CEMIP2: variants seen among roughly 807,000 people sequenced by gnomAD.
CEMIP2 encodes the protein cell surface hyaluronidase CEMIP2.
Under a neutral mutation model 146.9 loss-of-function variants are expected in CEMIP2, and 79 were observed. The observed-to-expected ratio is 0.54, with a 90% CI of 0.45 to 0.65. The LOEUF is 0.65. Ranked by LOEUF, CEMIP2 falls within the 30% of genes least tolerant of loss-of-function variation. The pLI is 0.00. For missense variants in CEMIP2, 1,596 were observed against 1,696.2 expected, an observed-to-expected ratio of 0.94 and a Z score of 1.04; for synonymous variants, 601 against 606.3, an observed-to-expected ratio of 0.99 and a Z score of 0.13.
At chr9:71,713,602 C>A (rs557158337) in intron 15 of CEMIP2, among the ~76,000 whole-genome samples, 2 of 152,188 alleles carry the variant, frequency 1.3e-5, no homozygotes, top group South Asian at 4.1e-4. Flanking sequence ...TGAAATAAAA[C>A]TGGAGGTCAA....
Position 71,709,254 on chromosome 9 carries a change from C to T in CEMIP2, c.2985+5G>A, listed in dbSNP as rs777081510. ...ACTTGAGCATTATACATTTGCTAAGCCTACCTGTGCATAGGTCCCACTGCA... is the reference window on the plus strand; with the variant it reads ...ACTTGAGCATTATACATTTGCTAAGTCTACCTGTGCATAGGTCCCACTGCA... On this transcript the variant is annotated splice_donor_5th_base_variant and intron_variant, in intron 17 of 23. Coordinates refer to ENST00000377044, the MANE Select transcript of CEMIP2 (RefSeq NM_013390.3). 7.4e-6 allele frequency: 12 copies of T among 1,613,984 alleles called. No individual in the cohort carries two copies. Among genetic ancestry groups the T allele is most frequent in the Middle Eastern group, 1.6e-4 (1 of 6,084 alleles).
intron 5 of CEMIP2, among the ~76,000 whole-genome samples, chr9:71,736,164 C>T (rs552168670): frequency 2.6e-5 from 4 of 152,292 alleles, no homozygotes; most frequent in African/African-American, 9.6e-5. Flanking sequence ...TTTATTCTTC[C>T]CCTAAAATGT....
intron 1 of CEMIP2, among the ~76,000 whole-genome samples, chr9:71,768,044 C>T (rs1589177622): frequency 6.6e-6 from 1 of 152,124 alleles, no homozygotes; most frequent in South Asian, 2.1e-4. Flanking sequence ...TCCCCGTAAA[C>T]GTAATGAAAA....
Position 71,685,406 on chromosome 9 carries a change from AAAAAAAAGAAAAAG to A in CEMIP2, c.3956-27_3956-14del. 1 of 1,496,498 alleles carries A rather than the reference AAAAAAAAGAAAAAG, an allele frequency of 6.7e-7. No individual in the cohort carries two copies. The allele number at this position is 1,496,498 out of a possible 1,614,324, so 92.7% of individuals were successfully genotyped here. On this transcript the variant is annotated splice_polypyrimidine_tract_variant and intron_variant, in intron 23 of 23. Transcript: ENST00000377044. ...AATATGGTACTCCCTAAAAAAAAAA[AAAAAAAAGAAAAAG>A]AAAAAAAATCAATTTTTATAGCTAC...
Position 71,701,477 on chromosome 9 carries a change from A to G in CEMIP2, c.3195-653T>C, listed in dbSNP as rs569364145. Among the ~76,000 whole-genome samples the G allele has an allele frequency of 2.6e-5, 4 of 152,354 alleles. No homozygotes were observed. The South Asian group carries it at 6.2e-4, about 24-fold the overall frequency. ...TGGATAAAACAGACTTAGACACTCT[A>G]AAAAGATAAGAAAATTAAGTGAGAT... is the stretch of plus-strand genomic sequence containing the variant. On this transcript the variant is annotated intron_variant, in intron 18 of 23. Coordinates refer to ENST00000377044, the MANE Select transcript of CEMIP2 (RefSeq NM_013390.3).
At chr9:71,763,304 G>A (rs1029526397) in intron 1 of CEMIP2, among the ~76,000 whole-genome samples, 1 of 152,108 alleles carries the variant, frequency 6.6e-6, no homozygotes, top group South Asian at 2.1e-4. Flanking sequence ...AATTAAGTAA[G>A]AGCCCCCAAA....
chr9:71,699,165 A>G (rs1822482568), intron 19 of CEMIP2: 1 of 165,264 alleles, frequency 6.1e-6, no homozygotes, highest in South Asian at 1.5e-4. Context: ...TTACACTTTT[A>G]ATCATTAACT....
At chr9:71,744,544 T>C (rs544018728) in intron 4 of CEMIP2, among the ~76,000 whole-genome samples, 5 of 150,956 alleles carry the variant, frequency 3.3e-5, no homozygotes, top group African/African-American at 1.2e-4. Context: ...TGCAAAGGAG[T>C]CCGAAAAAAG....
chr9:71,720,510 T>C (rs1424727608), intron 12 of CEMIP2, among the ~76,000 whole-genome samples: 1 of 152,186 alleles, frequency 6.6e-6, no homozygotes. Context: ...CAGGCTGGTC[T>C]TGAACTCCTG....
intron 1 of CEMIP2, among the ~76,000 whole-genome samples, chr9:71,753,499 CT>C (rs1288010612): frequency 3.3e-5 from 5 of 152,094 alleles, no homozygotes; most frequent in Non-Finnish European, 7.4e-5. Context: ...TATAAAGTTC[CT>C]GCAAAACATG....
At chr9:71,706,787 T>C (rs1030685169) in intron 17 of CEMIP2, among the ~76,000 whole-genome samples, 1 of 152,090 alleles carries the variant, frequency 6.6e-6, no homozygotes, top group Non-Finnish European at 1.5e-5. Flanking sequence ...TAGCCAAAAC[T>C]GTAGCTACAA....
At chr9:71,769,451 C>T (rs527510327), upstream of CEMIP2, among the ~76,000 whole-genome samples, 1 of 152,368 alleles carries the variant, frequency 6.6e-6, no homozygotes, top group African/African-American at 2.4e-5. Context: ...CTCTTCTGGT[C>T]CCTTGGAGCA....
rs1312208406 is a variant in CEMIP2 at position 71,712,070 on chromosome 9, A to G, written c.2769+13T>C. 1.9e-6 allele frequency: 3 copies of G among 1,612,386 alleles called. No individual in the cohort carries two copies. In the African/African-American group the frequency reaches 4.0e-5, roughly 22 times the overall value. On this transcript the variant is annotated intron_variant, in intron 16 of 23. Coordinates refer to ENST00000377044, the MANE Select transcript of CEMIP2 (RefSeq NM_013390.3). Reference sequence around the variant, plus strand: ...ACCATAGTCACTACGTAAGAACTACAGAACATACTTACATGTGGACCAAAC... The same window carrying G: ...ACCATAGTCACTACGTAAGAACTACGGAACATACTTACATGTGGACCAAAC...
intron 21 of CEMIP2, among the ~76,000 whole-genome samples, chr9:71,690,712 G>A (rs1427691989): frequency 1.3e-5 from 2 of 152,150 alleles, no homozygotes; most frequent in Non-Finnish European, 2.9e-5. Flanking sequence ...GGAATTCCAC[G>A]TTAGTTTATA....
intron 6 of CEMIP2, among the ~76,000 whole-genome samples, chr9:71,733,993 T>C (rs906583471): frequency 6.6e-6 from 1 of 152,016 alleles, no homozygotes; most frequent in Non-Finnish European, 1.5e-5. Context: ...ACAAGCCTTG[T>C]GCCACCATGC....
At chr9:71,754,561 T>C (rs898970518) in intron 1 of CEMIP2, among the ~76,000 whole-genome samples, 2 of 152,190 alleles carry the variant, frequency 1.3e-5, no homozygotes, top group African/African-American at 4.8e-5. Context: ...TATGACACAT[T>C]TTTAGACAAA....
chr9:71,746,587 A>G (rs1335589652), intron 2 of CEMIP2, among the ~76,000 whole-genome samples: 1 of 127,618 alleles, frequency 7.8e-6, no homozygotes, highest in Non-Finnish European at 1.7e-5. Context: ...AGTTCAGGAC[A>G]AACTTCACCA....
At chr9:71,699,948 G>A (rs1006830205) in intron 19 of CEMIP2, among the ~76,000 whole-genome samples, 8 of 152,090 alleles carry the variant, frequency 5.3e-5, no homozygotes, top group Admixed American at 1.3e-4. Context: ...CTCAATGGAC[G>A]GTGAGTTTGC....
chr9:71,704,203 C>T (rs1435167481), intron 18 of CEMIP2, among the ~76,000 whole-genome samples: 1 of 152,160 alleles, frequency 6.6e-6, no homozygotes, highest in Non-Finnish European at 1.5e-5. Context: ...ACTAATCCAT[C>T]CCACTACTTT....
Sources: gnomAD v4.1 joint callset for allele counts (sites outside exome capture counted in the v4.1 genomes callset) on GRCh38, gnomAD v4.1.1 for gene constraint, MANE v1.5 for transcripts, NCBI Gene and HGNC (gene_info 2026-07-23, HGNC 2026-07-21) for gene names.